The following AK9 variants were observed in gnomAD, a reference collection of about 807,000 sequenced individuals.
The protein encoded by AK9 is adenylate kinase 9.
A neutral mutation model predicts 239.6 loss-of-function variants in AK9; 191 were observed. The ratio of observed to expected loss-of-function variants is 0.80; its 90% CI spans 0.71 to 0.90. The LOEUF is 0.90. AK9 is among the 40% of genes least tolerant of loss of function. The pLI, the probability that AK9 is intolerant of heterozygous loss-of-function variation, is 0.00. For synonymous variants in AK9, 689 were observed against 721.0 expected (o/e 0.96, Z 0.71); for missense variants, 1,995 against 2,214.7 (o/e 0.90, Z 1.99).
chr6:109,587,527 T>A (rs1456054965), intron 17 of AK9, among the ~76,000 whole-genome samples: 1 of 152,166 alleles, frequency 6.6e-6, no homozygotes, highest in Non-Finnish European at 1.5e-5. Flanking sequence ...ACCCCTCTGA[T>A]ACTCTATTGT....
At chr6:109,539,423 G>A (rs1263711113) in intron 27 of AK9, among the ~76,000 whole-genome samples, 4 of 152,134 alleles carry the variant, frequency 2.6e-5, no homozygotes, top group Admixed American at 6.5e-5. Flanking sequence ...CATTCATCAC[G>A]TAGTTCTCGT....
At chr6:109,654,960 A>T (rs189445185) in intron 8 of AK9, among the ~76,000 whole-genome samples, 14 of 152,302 alleles carry the variant, frequency 9.2e-5, no homozygotes, top group African/African-American at 3.1e-4. Context: ...CTTACCCTTT[A>T]TGGGTCTCCT....
At chr6:109,627,651 G>T (rs1021635152) in intron 12 of AK9, among the ~76,000 whole-genome samples, 2 of 119,070 alleles carry the variant, frequency 1.7e-5, no homozygotes, top group Non-Finnish European at 3.7e-5. Context: ...TTACCACACT[G>T]AACTTCTGTT....
At position 109,516,589 on chromosome 6, in the gene AK9, ATT is replaced by A; in HGVS notation, c.3685_3686del (p.Asn1229Ter). 1 of 1,550,804 alleles carries A rather than the reference ATT, an allele frequency of 6.4e-7. No homozygotes were observed. The highest frequency in any genetic ancestry group is 8.7e-7 in the Non-Finnish European group (1 of 1,146,852). ...EISEEELEEDNDDIENILEDE... is the reference protein window; with the variant it reads ...EISEEELEEDXDDIENILEDE... The stretch of plus-strand genomic sequence containing the variant: ...CTTCAAGGATGTTTTCAATATCATC[ATT>A]GTCTTCTTCAAGTTCTTCCTCACTA... On this transcript the variant is annotated frameshift_variant, in exon 30 of 41. Coordinates refer to ENST00000424296, the MANE Select transcript of AK9 (RefSeq NM_001145128.3). LOFTEE classifies it high-confidence loss of function.
At chr6:109,572,866 C>A (rs1002166170) in intron 21 of AK9, among the ~76,000 whole-genome samples, 1 of 152,120 alleles carries the variant, frequency 6.6e-6, no homozygotes, top group African/African-American at 2.4e-5. Flanking sequence ...ACTCTCTAGT[C>A]CTTGGAGTGG....
At chr6:109,547,267 T>C (rs1255908637) in intron 25 of AK9, among the ~76,000 whole-genome samples, 1 of 152,246 alleles carries the variant, frequency 6.6e-6, no homozygotes, top group Non-Finnish European at 1.5e-5. Context: ...CATGTGTTCA[T>C]TTTAAGAAGG....
intron 5 of AK9, among the ~76,000 whole-genome samples, chr6:109,665,165 G>C (rs193174131): frequency 6.6e-6 from 1 of 152,264 alleles, no homozygotes; most frequent in East Asian, 1.9e-4. Flanking sequence ...CAGTGTGTTG[G>C]GCTCTATCCA....
rs376460896 is a variant in AK9 at position 109,598,315 on chromosome 6, C to T, written c.1842+12050G>A. On this transcript the variant is annotated intron_variant, in intron 17 of 40. Transcript: ENST00000424296. ...TTCAATTCCCACCTATGAGTGAGAA[C>T]ATGCGGTGTTTGGTTTTTTGTCCTT... is the stretch of plus-strand genomic sequence containing the variant. Among the ~76,000 whole-genome samples, 496 of 150,404 alleles carry T rather than the reference C, an allele frequency of 3.3e-3. 2 individuals are homozygous for T. Among genetic ancestry groups the T allele is most frequent in the African/African-American group, 0.011 (457 of 40,620 alleles).
Position 109,499,166 on chromosome 6 carries a change from A to G in AK9, c.4924T>C (p.Phe1642Leu). ...GATTCTGCCAGGCTGACAGGGCAGA[A>G]CTGTTCAAATTCTCCCAGGCGAGAA... ...LLSRLGEFEQ[F>L]CPVSLAESQE... The change falls in exon 36 of 41, where the codon TTC becomes CTC. Residue 1642 changes from phenylalanine to leucine, a missense_variant. Coordinates refer to ENST00000424296, the MANE Select transcript of AK9 (RefSeq NM_001145128.3). 2 of 1,602,234 alleles carry G rather than the reference A, an allele frequency of 1.2e-6. No homozygotes were observed. Among genetic ancestry groups the G allele is most frequent in the South Asian group, 2.2e-5 (2 of 88,890 alleles).
intron 29 of AK9, among the ~76,000 whole-genome samples, chr6:109,524,062 G>A (rs1347223051): frequency 6.6e-6 from 1 of 151,972 alleles, no homozygotes; most frequent in East Asian, 1.9e-4. Context: ...CAGGTGTTAG[G>A]ATCACCAAAC....
chr6:109,567,191 A>T (rs1319564645), intron 21 of AK9, among the ~76,000 whole-genome samples: 1 of 152,128 alleles, frequency 6.6e-6, no homozygotes, highest in East Asian at 1.9e-4. Flanking sequence ...AGCAAGACTA[A>T]TGAAGAAGAA....
intron 17 of AK9, among the ~76,000 whole-genome samples, chr6:109,607,873 T>G (rs557955495): frequency 6.6e-6 from 1 of 151,170 alleles, no homozygotes; most frequent in East Asian, 1.9e-4. Flanking sequence ...AAGATAATCT[T>G]AAAGAAGTAA....
rs199938431 is a variant in AK9, at chr6:109,614,246, C to T, written c.1546G>A (p.Glu516Lys). 1.0e-5 allele frequency: 16 copies of T among 1,551,346 alleles called. No individual in the cohort carries two copies. The East Asian group carries it at 1.5e-4, about 14-fold the overall frequency. The stretch of plus-strand genomic sequence containing the variant: ...TTTTCTGACTTTGTTTTGGCTTCTT[C>T]GGTGTCCACTAAAGAGCTGCCTCTG... ...RDRGSSLVDT[E>K]EAKTKSENVL... Residue 516 changes from glutamate (E) to lysine (K), a missense_variant, in exon 15 of 41, where the codon GAA becomes AAA. Glu to Lys is a moderately conservative substitution (Grantham distance 56). Around this residue, in one of 5 missense-constraint regions of AK9, gnomAD observed 1,290 missense variants for 1,392.7 expected, o/e 0.93. Coordinates refer to ENST00000424296, the MANE Select transcript of AK9 (RefSeq NM_001145128.3).
At chr6:109,547,675 A>G (rs1179319190) in intron 25 of AK9, among the ~76,000 whole-genome samples, 3 of 152,170 alleles carry the variant, frequency 2.0e-5, no homozygotes, top group African/African-American at 4.8e-5. Flanking sequence ...CACAGGCAAT[A>G]AAAGCAAAAA....
intron 27 of AK9, among the ~76,000 whole-genome samples, chr6:109,539,906 T>G (rs775665561): frequency 6.6e-6 from 1 of 152,174 alleles, no homozygotes; most frequent in Non-Finnish European, 1.5e-5. Flanking sequence ...CAGTGGAGGC[T>G]GCAGTACAGT....
At chr6:109,513,539 T>C (rs1778962077) in intron 32 of AK9, among the ~76,000 whole-genome samples, 1 of 152,210 alleles carries the variant, frequency 6.6e-6, no homozygotes, top group South Asian at 2.1e-4. Context: ...TTCTCTTCGA[T>C]GGTTATTGGT....
At chr6:109,650,966 CA>C (rs1388603507) in intron 8 of AK9, among the ~76,000 whole-genome samples, 1 of 152,018 alleles carries the variant, frequency 6.6e-6, no homozygotes, top group African/African-American at 2.4e-5. Flanking sequence ...TCATTCTCAG[CA>C]AACTATCGCA....
At chr6:109,505,875 C>A (rs1478158265) in intron 35 of AK9, among the ~76,000 whole-genome samples, 6 of 152,080 alleles carry the variant, frequency 3.9e-5, no homozygotes, top group Admixed American at 1.3e-4. Flanking sequence ...ATTTATTGCT[C>A]ACAGTTTTGG....
At chr6:109,669,926 C>T (rs557926243) in intron 5 of AK9, among the ~76,000 whole-genome samples, 2 of 152,256 alleles carry the variant, frequency 1.3e-5, no homozygotes, top group Admixed American at 1.3e-4. Flanking sequence ...GGCCTTGTAA[C>T]CAAATGGTGA....
Sources: allele counts gnomAD v4.1 joint callset (sites outside exome capture counted in the v4.1 genomes callset), GRCh38; gene constraint gnomAD v4.1.1; regional missense constraint gnomAD v4.1.1; transcripts MANE v1.5; gene names NCBI Gene and HGNC (gene_info 2026-07-23, HGNC 2026-07-21).